The following HDHD2 variants were observed in gnomAD, a reference collection of about 807,000 sequenced individuals.
The protein encoded by HDHD2 is haloacid dehalogenase like hydrolase domain containing 2.
In HDHD2, 26 loss-of-function variants were observed where a neutral mutation model predicts 24.8. That is an observed-to-expected ratio of 1.05 (90% CI 0.77 to 1.45). HDHD2 has a LOEUF of 1.45. Ranked by LOEUF, HDHD2 falls within the 40% of genes most tolerant of loss-of-function variation. The pLI is 0.00. For synonymous variants in HDHD2, 128 were observed against 114.9 expected (o/e 1.11, Z -0.73); for missense variants, 299 against 313.4 (o/e 0.95, Z 0.35).
intron 1 of HDHD2, 164 bp downstream of exon 1, chr18:47,150,214 A>T (rs1325908054): frequency 6.6e-6 from 1 of 152,270 alleles, no homozygotes. Flanking sequence ...GGCGGTTCCG[A>T]CGCGGAAAAC....
intron 3 of HDHD2, among the ~76,000 whole-genome samples, chr18:47,130,718 C>T (rs185003456): frequency 3.1e-3 from 467 of 152,140 alleles, no homozygotes; most frequent in African/African-American, 0.011. Context: ...ACTATCAGAT[C>T]GATAGCAACT....
intron 4 of HDHD2, among the ~76,000 whole-genome samples, chr18:47,121,333 T>C (rs999112522): frequency 6.6e-6 from 1 of 152,146 alleles, no homozygotes. Flanking sequence ...TTTCCCAATC[T>C]TTCCCATCTC....
chr18:47,138,547 T>C (rs1007064912), intron 1 of HDHD2, among the ~76,000 whole-genome samples: 2 of 152,224 alleles, frequency 1.3e-5, no homozygotes, highest in African/African-American at 4.8e-5. Flanking sequence ...TGGTTTTTAC[T>C]GCACTATTAC....
At chr18:47,122,272 G>A (rs1050132187) in intron 4 of HDHD2, among the ~76,000 whole-genome samples, 5 of 152,104 alleles carry the variant, frequency 3.3e-5, no homozygotes, top group East Asian at 1.9e-4. Flanking sequence ...AAATAATGGC[G>A]AGTCACTTCA....
intron 4 of HDHD2, among the ~76,000 whole-genome samples, chr18:47,122,296 C>G (rs1428125957): frequency 2.0e-5 from 3 of 152,162 alleles, no homozygotes; most frequent in African/African-American, 7.2e-5. Flanking sequence ...TTGTGAGCTT[C>G]AGTTTCAAAT....
At position 47,148,107 on chromosome 18, in the gene HDHD2, C is replaced by G. The variant is rs71352641; in HGVS notation, c.-11+2271G>C. ...CCCGGCTCAAGCCATCCTCCCACCT[C>G]CGCCTCCCAAGTAGCTGGAACCACA... On this transcript the variant is annotated intron_variant, in intron 1 of 6. Coordinates refer to ENST00000300605, the MANE Select transcript of HDHD2 (RefSeq NM_032124.5). 4.2e-3 allele frequency among the ~76,000 whole-genome samples: 646 copies of G among 152,066 alleles called. 4 individuals are homozygous for G. The highest frequency in any genetic ancestry group is 0.024 in the Middle Eastern group (7 of 294).
Position 47,115,331 on chromosome 18 carries a change from G to A in HDHD2, c.413C>T (p.Ala138Val), listed in dbSNP as rs1343123519. 6.2e-7 allele frequency: 1 copy of A among 1,613,510 alleles called. No homozygotes were observed. The highest frequency in any genetic ancestry group is 8.5e-7 in the Non-Finnish European group (1 of 1,179,688). The change falls in exon 5 of 7, where the codon GCA becomes GTA. Residue 138 changes from alanine (A) to valine (V), a missense_variant. Ala to Val is a moderately conservative substitution (Grantham distance 64). Coordinates refer to ENST00000300605, the MANE Select transcript of HDHD2 (RefSeq NM_032124.5). ...GGCTTTGTGGATTGCTATCAGAGGT[G>A]CTCCATCCAGGAGTAACCTAGAGAG... ...NQAFRLLLDG[A>V]PLIAIHKARY...
rs1333393281 is a variant in HDHD2 at position 47,108,774 on chromosome 18, C to A, written c.688G>T (p.Ala230Ser). 2.5e-6 allele frequency: 4 copies of A among 1,599,548 alleles called. No homozygotes were observed. The African/African-American group carries it at 4.0e-5, about 16-fold the overall frequency. The change falls in exon 7 of 7, where the codon GCA (alanine) becomes TCA (serine). Residue 230 changes from alanine (A) to serine (S), a missense_variant. Physicochemically the swap from Ala to Ser is moderately conservative, Grantham distance 99. Transcript: ENST00000300605. ...GILVKTGKYR[A>S]SDEEKINPPP... is the part of the protein sequence containing the mutation. Reference sequence around the variant, plus strand: ...GGATTAATTTTTTCTTCATCTGATGCTCGATATTTCCCTGAAATGAAAGTA... The same window carrying A: ...GGATTAATTTTTTCTTCATCTGATGATCGATATTTCCCTGAAATGAAAGTA...
At chr18:47,124,236 C>G (rs2635052) in intron 4 of HDHD2, among the ~76,000 whole-genome samples, 85,383 of 152,062 alleles carry the variant, frequency 0.56, 24,095 homozygotes, top group Middle Eastern at 0.62. Context: ...ATATCTTCAT[C>G]ACCTTGGGGT....
At chr18:47,134,735 G>C (rs371636353) in intron 2 of HDHD2, 31 bp from the exon 3 acceptor site, 15 of 1,570,020 alleles carry the variant, frequency 9.6e-6, no homozygotes, top group Non-Finnish European at 1.0e-5. Flanking sequence ...AAGTCAAAAG[G>C]CAGCTTTTAC....
chr18:47,109,678 C>T (rs2063500303), intron 6 of HDHD2: 2 of 152,270 alleles, frequency 1.3e-5, no homozygotes, highest in Admixed American at 1.3e-4. Flanking sequence ...CCTTGTCATT[C>T]CATTATTCTC....
In HDHD2 at chr18:47,118,704, C is replaced by T. The variant is rs113706287; in HGVS notation, c.396-3356G>A. ...CACGTTTACCTATGTAACAACTCTG[C>T]ACATCCTGTACTTGTACCCCGGAAT... is the stretch of plus-strand genomic sequence containing the variant. On this transcript the variant is annotated intron_variant, in intron 4 of 6. Coordinates refer to ENST00000300605, the MANE Select transcript of HDHD2 (RefSeq NM_032124.5). 5.9e-3 allele frequency among the ~76,000 whole-genome samples: 896 copies of T among 152,310 alleles called. 11 individuals are homozygous for T. The highest frequency in any genetic ancestry group is 0.021 in the African/African-American group (868 of 41,552).
At chr18:47,131,921 A>C (rs1012473924) in intron 3 of HDHD2, among the ~76,000 whole-genome samples, 26 of 152,202 alleles carry the variant, frequency 1.7e-4, no homozygotes, top group Non-Finnish European at 1.9e-4. Flanking sequence ...CACCAACCTC[A>C]TACAGACCTA....
intron 6 of HDHD2, among the ~76,000 whole-genome samples, chr18:47,112,083 A>G (rs1361078691): frequency 1.3e-5 from 2 of 152,222 alleles, no homozygotes; most frequent in African/African-American, 4.8e-5. Flanking sequence ...AGCAGGTGCC[A>G]TTTGGGGGCA....
At chr18:47,146,880 T>C (rs2063876235) in intron 1 of HDHD2, among the ~76,000 whole-genome samples, 1 of 152,188 alleles carries the variant, frequency 6.6e-6, no homozygotes, top group Non-Finnish European at 1.5e-5. Flanking sequence ...AGGAAGCAGA[T>C]GCAAACCAAG....
Position 47,134,828 on chromosome 18 carries a change from T to C in HDHD2, c.102-124A>G, listed in dbSNP as rs2063748569. On this transcript the variant is annotated intron_variant, in intron 2 of 6. Coordinates refer to ENST00000300605, the MANE Select transcript of HDHD2 (RefSeq NM_032124.5). ...CAGCAACATGACAATGTGTAGCCTCTTGCCCCTCCAGAATGGCAGGTTTAC... is the reference window on the plus strand; with the variant it reads ...CAGCAACATGACAATGTGTAGCCTCCTGCCCCTCCAGAATGGCAGGTTTAC... The C allele has an allele frequency of 9.8e-6, 7 of 711,208 alleles. No individual in the cohort carries two copies. The South Asian group carries it at 1.3e-4, about 13-fold the overall frequency. The allele number at this position is 711,208 out of a possible 1,614,324, so 44.1% of individuals were successfully genotyped here. A position where few individuals can be genotyped will look rare whatever the true frequency, so the allele number is the denominator to read the frequency against.
chr18:47,115,820 T>C (rs372130871), intron 4 of HDHD2, among the ~76,000 whole-genome samples: 2 of 152,192 alleles, frequency 1.3e-5, no homozygotes, highest in African/African-American at 4.8e-5. Context: ...AAATGTAAGT[T>C]TCTTTTTAAT....
intron 3 of HDHD2, among the ~76,000 whole-genome samples, chr18:47,131,618 T>C (rs1349394635): frequency 6.6e-6 from 1 of 152,210 alleles, no homozygotes; most frequent in Non-Finnish European, 1.5e-5. Context: ...TTCGTAACTG[T>C]ATTTCCTATT....
At chr18:47,120,530 T>C (rs1189959214) in intron 4 of HDHD2, among the ~76,000 whole-genome samples, 2 of 152,230 alleles carry the variant, frequency 1.3e-5, no homozygotes, top group East Asian at 1.9e-4. Context: ...AGTTTCTCCG[T>C]ATTAGTGATA....
Sources: gnomAD v4.1 joint callset for allele counts (sites outside exome capture counted in the v4.1 genomes callset) on GRCh38, gnomAD v4.1.1 for gene constraint, MANE v1.5 for transcripts, NCBI Gene and HGNC (gene_info 2026-07-23, HGNC 2026-07-21) for gene names.